Variants in SYT1 observed in about 807,000 individuals in gnomAD.
SYT1 encodes synaptotagmin-1.
A neutral mutation model predicts 44.8 loss-of-function variants in SYT1; 8 were observed. The ratio of observed to expected loss-of-function variants is 0.18; its 90% CI spans 0.10 to 0.32. The LOEUF (loss-of-function observed/expected upper bound fraction) is 0.32, where lower values mean the gene tolerates loss of function less well. Among genes scored for constraint, SYT1 ranks in the 10% least tolerant of loss-of-function variants. SYT1 has a pLI of 1.00. For missense variants in SYT1, 286 were observed against 509.3 expected (o/e 0.56, Z 4.22); for synonymous variants, 154 against 188.8 (o/e 0.82, Z 1.51).
chr12:79,120,433 T>A (rs1879533055), intron 3 of SYT1, among the ~76,000 whole-genome samples: 1 of 151,870 alleles, frequency 6.6e-6, no homozygotes, highest in Non-Finnish European at 1.5e-5. Context: ...TTAAAAAAAA[T>A]ATATAAAAAT....
chr12:78,981,835 T>C (rs927737989), intron 2 of SYT1, among the ~76,000 whole-genome samples: 1 of 152,198 alleles, frequency 6.6e-6, no homozygotes, highest in African/African-American at 2.4e-5. Flanking sequence ...AAGAATATTT[T>C]GTTGTATTTG....
chr12:79,172,969 CAAAAAAAAAAAAAAAAAAA>C (rs200575966), intron 3 of SYT1, among the ~76,000 whole-genome samples: 59 of 15,728 alleles, frequency 3.8e-3, no homozygotes, highest in South Asian at 0.037. Context: ...TTCCTGCTCT[CAAAAAAAAAAAAAAAAAAA>C]AAAAAAAAAA....
intron 2 of SYT1, among the ~76,000 whole-genome samples, chr12:78,984,129 C>A (rs970585244): frequency 6.6e-6 from 1 of 151,642 alleles, no homozygotes; most frequent in African/African-American, 2.4e-5. Context: ...ACCACCAAGA[C>A]AAATTGCCAA....
At chr12:79,365,139 A>G (rs1317775612) in intron 9 of SYT1, among the ~76,000 whole-genome samples, 1 of 152,086 alleles carries the variant, frequency 6.6e-6, no homozygotes, top group Non-Finnish European at 1.5e-5. Flanking sequence ...TTGAAATTTC[A>G]TATCCTTCCA....
chr12:79,245,511 A>T (rs1856356390), intron 4 of SYT1, among the ~76,000 whole-genome samples: 1 of 151,312 alleles, frequency 6.6e-6, no homozygotes, highest in Non-Finnish European at 1.5e-5. Context: ...AGAAAAAAAA[A>T]ACTTCATTAT....
chr12:79,114,279 G>T (rs939050551), intron 3 of SYT1, among the ~76,000 whole-genome samples: 3 of 152,144 alleles, frequency 2.0e-5, no homozygotes, highest in Non-Finnish European at 2.9e-5. Flanking sequence ...TTCCATTCAT[G>T]CAGTACAGAG....
chr12:79,126,080 T>G (rs548737999), intron 3 of SYT1, among the ~76,000 whole-genome samples: 5 of 152,340 alleles, frequency 3.3e-5, no homozygotes, highest in Admixed American at 6.5e-5. Context: ...GGTAATGCAG[T>G]GATTACTGAA....
At chr12:79,087,621 G>T (rs1422601798) in intron 3 of SYT1, among the ~76,000 whole-genome samples, 1 of 152,066 alleles carries the variant, frequency 6.6e-6, no homozygotes, top group Non-Finnish European at 1.5e-5. Context: ...ATCAAGCCCA[G>T]TGGTGAGTAA....
intron 9 of SYT1, among the ~76,000 whole-genome samples, chr12:79,356,561 T>C (rs925063142): frequency 4.6e-5 from 7 of 152,194 alleles, no homozygotes; most frequent in African/African-American, 1.4e-4. Flanking sequence ...AGTTGACCTA[T>C]GTACGAGGAG....
chr12:79,324,223 T>G (rs896577285), intron 8 of SYT1, among the ~76,000 whole-genome samples: 16 of 152,152 alleles, frequency 1.1e-4, no homozygotes, highest in African/African-American at 3.6e-4. Context: ...GTGCTGGGAT[T>G]ACAGGCGTGA....
In SYT1 at chr12:79,045,167, C is replaced by T. The variant is rs1053626627; in HGVS notation, c.-83-2130C>T. On this transcript the variant is annotated intron_variant, in intron 2 of 10. Coordinates refer to ENST00000261205, the MANE Select transcript of SYT1 (RefSeq NM_005639.3). ...GCTCCACCCAGTTCGAGCTTCCCGG[C>T]TGCTTTGTTTACCTAAGCAAGCCCG... Among the ~76,000 whole-genome samples, 21 of 152,354 alleles carry T rather than the reference C, an allele frequency of 1.4e-4. 1 individual carries two copies. Among genetic ancestry groups the T allele is most frequent in the East Asian group, 5.8e-4 (3 of 5,174 alleles).
intron 3 of SYT1, among the ~76,000 whole-genome samples, chr12:79,209,464 T>TCA (rs1307945324): frequency 1.2e-4 from 18 of 152,180 alleles, no homozygotes; most frequent in African/African-American, 1.7e-4. Context: ...GAAGGGGAGA[T>TCA]GCTTGCTGAA....
chr12:79,353,462 A>G, intron 8 of SYT1, 40 bp from the exon 9 acceptor site: 2 of 1,395,924 alleles, frequency 1.4e-6, no homozygotes, highest in Non-Finnish European at 2.0e-6. Context: ...ATTTACTTGT[A>G]TTTGAAAAAT....
intron 2 of SYT1, among the ~76,000 whole-genome samples, chr12:79,001,526 A>G (rs1356220633): frequency 6.6e-6 from 1 of 152,170 alleles, no homozygotes; most frequent in East Asian, 1.9e-4. Flanking sequence ...TGCTCTCTCT[A>G]CGATCCATTC....
chr12:79,405,244 C>G (rs1437616876), intron 9 of SYT1, among the ~76,000 whole-genome samples: 1 of 152,134 alleles, frequency 6.6e-6, no homozygotes, highest in Non-Finnish European at 1.5e-5. Flanking sequence ...GCAATCTTAA[C>G]ACTTACTTAA....
At chr12:79,195,488 GAAA>G (rs1873395840) in intron 3 of SYT1, among the ~76,000 whole-genome samples, 1 of 131,894 alleles carries the variant, frequency 7.6e-6, no homozygotes, top group Non-Finnish European at 1.6e-5. Flanking sequence ...TCATATATTT[GAAA>G]AAAGAGAGGT....
intron 4 of SYT1, among the ~76,000 whole-genome samples, chr12:79,276,662 A>G (rs1281577491): frequency 1.3e-5 from 2 of 150,136 alleles, no homozygotes; most frequent in African/African-American, 5.0e-5. Context: ...GTGACAGAGC[A>G]AGACTCCATC....
chr12:79,024,279 T>A lies in SYT1; in HGVS notation c.-83-23018T>A, dbSNP rs775322743. 5.1e-4 allele frequency among the ~76,000 whole-genome samples: 77 copies of A among 151,584 alleles called. 1 individual carries two copies. The highest frequency in any genetic ancestry group is 5.9e-4 in the Admixed American group (9 of 15,164). On this transcript the variant is annotated intron_variant, in intron 2 of 10. Coordinates refer to ENST00000261205, the MANE Select transcript of SYT1 (RefSeq NM_005639.3). ...TGTGGCCAGCAAGCAGCAAGGCAAA[T>A]TCGAGGATGGGTTGGAGAGCACCTA...
At chr12:78,961,602 C>T (rs79856534) in intron 1 of SYT1, among the ~76,000 whole-genome samples, 1 of 151,754 alleles carries the variant, frequency 6.6e-6, no homozygotes, top group South Asian at 2.1e-4. Flanking sequence ...TTCCCTGGGT[C>T]GCAAGCAGTA....
Sources: gnomAD v4.1 joint callset for allele counts (sites outside exome capture counted in the v4.1 genomes callset) on GRCh38, gnomAD v4.1.1 for gene constraint, MANE v1.5 for transcripts, NCBI Gene and HGNC (gene_info 2026-07-23, HGNC 2026-07-21) for gene names.